The following PLEKHG5 variants were observed in gnomAD, a reference collection of about 807,000 sequenced individuals.
The protein encoded by PLEKHG5 is pleckstrin homology domain-containing family G member 5.
PLEKHG5 carries 52 observed loss-of-function variants against 103.8 expected under a neutral mutation model. The ratio of observed to expected loss-of-function variants is 0.50; its 90% CI spans 0.40 to 0.63. The LOEUF (loss-of-function observed/expected upper bound fraction) is 0.63. PLEKHG5 is among the 30% of genes least tolerant of loss of function. The pLI, the probability that PLEKHG5 is intolerant of heterozygous loss-of-function variation, is 0.00. For missense variants in PLEKHG5, 1,205 were observed against 1,347.6 expected (o/e 0.89, Z 1.66); for synonymous variants, 592 against 575.5 (o/e 1.03, Z -0.41).
Position 6,468,254 on chromosome 1 carries a change from C to T in PLEKHG5, c.2582G>A (p.Arg861His), listed in dbSNP as rs565558161. ...GCAGCTCAACAGCTGGACAGGGGTG[C>T]GGCGGCGGAGACGGGGCGAGGGTGG... ...SPPPSPRLRRRTPVQLLSCPP... is the reference protein window; with the variant it reads ...SPPPSPRLRRHTPVQLLSCPP... Residue 861 changes from arginine to histidine, a missense_variant, in exon 20 of 21, where the codon CGC becomes CAC. By Grantham distance (29) the Arg-to-His change is conservative. Coordinates refer to ENST00000377728, the MANE Select transcript of PLEKHG5 (RefSeq NM_020631.6). 3.1e-5 allele frequency: 50 copies of T among 1,601,206 alleles called. No individual in the cohort carries two copies. In the East Asian group the frequency reaches 3.8e-4, roughly 12 times the overall value.
intron 4 of PLEKHG5, 104 bp from the exon 5 acceptor site, chr1:6,475,242 C>A (rs1277323853): frequency 2.8e-6 from 2 of 707,994 alleles, no homozygotes; most frequent in African/African-American, 1.9e-5. Flanking sequence ...CCCTCCTCCC[C>A]ACCCTCCTTC....
rs1445599442 is a variant in PLEKHG5 at position 6,516,878 on chromosome 1, A to G, written c.-165+2567T>C. On this transcript the variant is annotated intron_variant, in intron 1 of 21. Transcript: ENST00000377740. ...TGTGTATATATGTGTATATATATAT[A>G]TATATATACACATATATATATATAT... 3.4e-4 allele frequency among the ~76,000 whole-genome samples: 7 copies of G among 20,498 alleles called. No individual in the cohort carries two copies. The East Asian group carries it at 0.011, about 33-fold the overall frequency. 13.4% of individuals were successfully genotyped at this position (20,498 alleles called of 152,430 possible). A position where few individuals can be genotyped will look rare whatever the true frequency, so the allele number is the denominator to read the frequency against.
At chr1:6,508,941 C>T (rs1356857092) in intron 1 of PLEKHG5, among the ~76,000 whole-genome samples, 1 of 152,244 alleles carries the variant, frequency 6.6e-6, no homozygotes, top group Non-Finnish European at 1.5e-5. Flanking sequence ...CACTGCTGGC[C>T]GCACTGCCCA....
intron 1 of PLEKHG5, chr1:6,485,454 G>A: frequency 7.9e-7 from 1 of 1,258,398 alleles, no homozygotes; most frequent in Non-Finnish European, 1.0e-6. Context: ...GGCGGCCGGA[G>A]GAAGCCGCGG....
At chr1:6,496,528 T>C, upstream of PLEKHG5, 3 of 1,604,040 alleles carry the variant, frequency 1.9e-6, no homozygotes, top group Non-Finnish European at 2.6e-6. Context: ...CAGGCGGGGT[T>C]CTGACAGCGC....
Position 6,469,101 on chromosome 1 carries a change from T to C in PLEKHG5, c.2190A>G (p.Ser730=). 1 of 1,613,038 alleles carries C rather than the reference T, an allele frequency of 6.2e-7. No homozygotes were observed. ...EEEEGEDSGT[S]AASSPTIMRK... ...GCATGATGGTAGGGGAGCTGGCAGC[T>C]GAAGTGCCACTGTCCTCGCCTTCCT... The change falls in exon 19 of 21, where the codon TCA becomes TCG. Residue 730 remains serine (S), a synonymous_variant. Transcript: ENST00000377728.
At chr1:6,495,371 C>A (rs1021866121), upstream of PLEKHG5, among the ~76,000 whole-genome samples, 9 of 152,208 alleles carry the variant, frequency 5.9e-5, no homozygotes, top group African/African-American at 2.2e-4. Context: ...TCACCACGGC[C>A]CTCCTGTGCA....
upstream of PLEKHG5, among the ~76,000 whole-genome samples, chr1:6,492,102 T>C (rs913974802): frequency 6.6e-6 from 1 of 152,120 alleles, no homozygotes; most frequent in African/African-American, 2.4e-5. Flanking sequence ...GGGCCCTCTC[T>C]AGGAAACGGA....
upstream of PLEKHG5, chr1:6,497,240 C>A: frequency 1.1e-6 from 1 of 874,192 alleles, no homozygotes; most frequent in Non-Finnish European, 1.8e-6. This position sits in a 1 kb window ranked among gnomAD's most constrained non-coding sequence, Gnocchi z 6.1. Flanking sequence ...CTGGAGCGGG[C>A]CCTCCCCGGA....
At chr1:6,511,334 G>C (rs1638465557) in intron 1 of PLEKHG5, among the ~76,000 whole-genome samples, 1 of 152,182 alleles carries the variant, frequency 6.6e-6, no homozygotes, top group Non-Finnish European at 1.5e-5. Context: ...ATGGACCAAA[G>C]AGGACAGGCA....
At chr1:6,511,063 T>TAC (rs1638457295) in intron 1 of PLEKHG5, among the ~76,000 whole-genome samples, 1 of 151,638 alleles carries the variant, frequency 6.6e-6, no homozygotes, top group Admixed American at 6.6e-5. Context: ...CACTCCAGCC[T>TAC]CAGCGACCGA....
chr1:6,516,866 G>GTATA (rs1181957258), intron 1 of PLEKHG5, among the ~76,000 whole-genome samples: 706 of 25,860 alleles, frequency 0.027, 5 homozygotes, highest in African/African-American at 0.043. Context: ...GTATATATGT[G>GTATA]TATATATATA....
chr1:6,508,458 G>T (rs1022289386), intron 1 of PLEKHG5, among the ~76,000 whole-genome samples: 2 of 152,196 alleles, frequency 1.3e-5, no homozygotes, highest in Non-Finnish European at 2.9e-5. Context: ...CCCGATGCAG[G>T]AAGGCAGAGG....
rs2148574076 is a variant in PLEKHG5 at position 6,467,849 on chromosome 1, A to G, written c.2987T>C (p.Leu996Pro). 1 of 1,613,294 alleles carries G rather than the reference A, an allele frequency of 6.2e-7. No individual in the cohort carries two copies. Among genetic ancestry groups the G allele is most frequent in the Non-Finnish European group, 8.5e-7 (1 of 1,179,914 alleles). ...AQLYRIRTTL[L>P]LNSTLTASEV ...CGAGGCAGTGAGCGTGGAGTTAAGC[A>G]GCAGGGTGGTCCTGATTCGGTAGAG... The change falls in exon 20 of 21, where the codon CTG (leucine) becomes CCG (proline). Residue 996 changes from leucine to proline, a missense_variant. By Grantham distance (98) the Leu-to-Pro change is moderately conservative. Coordinates refer to ENST00000377728, the MANE Select transcript of PLEKHG5 (RefSeq NM_020631.6).
chr1:6,501,390 G>A (rs557523482), upstream of PLEKHG5, among the ~76,000 whole-genome samples: 176 of 152,222 alleles, frequency 1.2e-3, 1 homozygote, highest in African/African-American at 4.0e-3. This position sits in a 1 kb window ranked among gnomAD's most constrained non-coding sequence, Gnocchi z 4.3. Context: ...CTTCAGGAAG[G>A]CCTCCCTATT....
rs1644589733 is a variant in PLEKHG5 at position 6,471,586 on chromosome 1, G to C, written c.1183C>G (p.Arg395Gly). 1.9e-6 allele frequency: 3 copies of C among 1,599,502 alleles called. No individual in the cohort carries two copies. Among genetic ancestry groups the C allele is most frequent in the East Asian group, 2.3e-5 (1 of 44,208 alleles). ...SNIPEIAQLH[R>G]RLWASVMAPV... is the part of the protein sequence containing the mutation. ...GCCATCACGCTAGCCCACAGCCTGC[G>C]GTGCAGCTGCGCGATCTCCGGGATG... Residue 395 changes from arginine to glycine, a missense_variant, in exon 12 of 21, where the codon CGC becomes GGC. Arg to Gly is a moderately radical substitution (Grantham distance 125). Transcript: ENST00000377728.
At chr1:6,493,130 G>A (rs537073798), upstream of PLEKHG5, among the ~76,000 whole-genome samples, 5 of 152,308 alleles carry the variant, frequency 3.3e-5, no homozygotes, top group South Asian at 1.0e-3. Context: ...GCACCCAGGA[G>A]AGCCTCAAAT....
In PLEKHG5 at chr1:6,469,659, G is replaced by A. The variant is rs149147021; in HGVS notation, c.1818C>T (p.Phe606=). Reference sequence around the variant, plus strand: ...TCACCAACAGCAGATCCGTGAAGAGGAAGCAGTACACATCCATCTGCAGTG... The same window carrying A: ...TCACCAACAGCAGATCCGTGAAGAGAAAGCAGTACACATCCATCTGCAGTG... ...GKDSKMDVYC[F]LFTDLLLVTK... The change falls in exon 17 of 21, where the codon TTC becomes TTT. Residue 606 remains phenylalanine, a synonymous_variant. Coordinates refer to ENST00000377728, the MANE Select transcript of PLEKHG5 (RefSeq NM_020631.6). The A allele has an allele frequency of 1.9e-4, 314 of 1,613,384 alleles. No individual in the cohort carries two copies. The African/African-American group carries it at 3.8e-3, about 19-fold the overall frequency.
chr1:6,469,149 TTCC>T lies in PLEKHG5; in HGVS notation c.2139_2141del (p.Glu723del). On this transcript the variant is annotated inframe_deletion, in exon 19 of 21. Coordinates refer to ENST00000377728, the MANE Select transcript of PLEKHG5 (RefSeq NM_020631.6). Reference sequence around the variant, plus strand: ...CCTCCTCCTCCTCCTCCTCCTCCTCTTCCTCCTCCTGCTCATCCTCCTCCTCTT... The same window carrying T: ...CCTCCTCCTCCTCCTCCTCCTCCTCTTCCTCCTGCTCATCCTCCTCCTCTT... The T allele has an allele frequency of 6.3e-7, 1 of 1,598,152 alleles. No homozygotes were observed. The highest frequency in any genetic ancestry group is 8.6e-7 in the Non-Finnish European group (1 of 1,168,420).
Sources: gnomAD v4.1 joint callset for allele counts (sites outside exome capture counted in the v4.1 genomes callset) on GRCh38, gnomAD v4.1.1 for gene constraint, Gnocchi (gnomAD v3.1) non-coding constraint, MANE v1.5 for transcripts, NCBI Gene and HGNC (gene_info 2026-07-23, HGNC 2026-07-21) for gene names.